The following ETFA variants were observed in gnomAD, a reference collection of about 807,000 sequenced individuals.
The protein encoded by ETFA is electron transfer flavoprotein subunit alpha, mitochondrial.
ETFA carries 22 observed loss-of-function variants against 46.2 expected under a neutral mutation model. The ratio of observed to expected loss-of-function variants is 0.48; its 90% confidence interval spans 0.34 to 0.68. ETFA has a LOEUF of 0.68. Ranked by LOEUF, ETFA falls within the 30% of genes least tolerant of loss-of-function variation. The pLI is 0.01. For missense variants in ETFA, 345 were observed against 401.1 expected (o/e 0.86, Z 1.19); for synonymous variants, 131 against 139.9 (o/e 0.94, Z 0.45).
chr15:76,303,218 G>A (rs1034336948), intron 1 of ETFA, among the ~76,000 whole-genome samples: 1 of 152,146 alleles, frequency 6.6e-6, no homozygotes, highest in Non-Finnish European at 1.5e-5. Context: ...TGCGGCAGGA[G>A]AATTGCTTGA....
At chr15:76,304,872 G>A (rs1381264587) in intron 1 of ETFA, among the ~76,000 whole-genome samples, 1 of 151,782 alleles carries the variant, frequency 6.6e-6, no homozygotes, top group Non-Finnish European at 1.5e-5. Flanking sequence ...GTGAAACCCC[G>A]TCTCTACTAA....
At chr15:76,281,472 C>T (rs2039650847) in intron 8 of ETFA, among the ~76,000 whole-genome samples, 2 of 151,708 alleles carry the variant, frequency 1.3e-5, no homozygotes, top group African/African-American at 2.4e-5. Flanking sequence ...GTTGCCCAGG[C>T]TAGGGTGCAG....
At chr15:76,291,843 GA>G (rs1486840084) in intron 4 of ETFA, among the ~76,000 whole-genome samples, 5 of 152,166 alleles carry the variant, frequency 3.3e-5, no homozygotes, top group Non-Finnish European at 7.4e-5. Flanking sequence ...CGGCCACAGA[GA>G]GAGAGCAAGA....
At chr15:76,261,603 GAGA>G in intron 9 of ETFA, 2 of 475,728 alleles carry the variant, frequency 4.2e-6, no homozygotes, top group South Asian at 2.9e-5. Flanking sequence ...GGGAGCAGCA[GAGA>G]AGTCAGAGCC....
intron 9 of ETFA, among the ~76,000 whole-genome samples, chr15:76,254,943 C>G (rs1342806662): frequency 6.6e-6 from 1 of 152,066 alleles, no homozygotes; most frequent in Non-Finnish European, 1.5e-5. Flanking sequence ...CAAGGAAACA[C>G]AAGAAATACA....
intron 9 of ETFA, among the ~76,000 whole-genome samples, chr15:76,232,328 G>A (rs1567197976): frequency 2.0e-5 from 3 of 152,138 alleles, no homozygotes; most frequent in South Asian, 4.1e-4. Flanking sequence ...TGTTTACCAG[G>A]TATGATTAAA....
chr15:76,307,709 C>A (rs2039952347), intron 1 of ETFA, among the ~76,000 whole-genome samples: 2 of 151,964 alleles, frequency 1.3e-5, no homozygotes, highest in Admixed American at 6.6e-5. Flanking sequence ...GTCTCGAACT[C>A]CTGAGCTCAG....
At chr15:76,310,068 C>CAGAAAAAAAAAAAAAAAAA in intron 1 of ETFA, 1 of 69,110 alleles carries the variant, frequency 1.4e-5, no homozygotes. Flanking sequence ...CCCGTCTCTA[C>CAGAAAAAAAAAAAAAAAAA]AAAAAAAAAA....
chr15:76,287,593 T>C lies in ETFA; in HGVS notation c.451+253A>G, dbSNP rs115309755. ...ATATATTAAATTGTGAATCTAATTT[T>C]TATTGATCACTAGGAAAATATCACC... is the stretch of plus-strand genomic sequence containing the variant. On this transcript the variant is annotated intron_variant, in intron 5 of 11. Transcript: ENST00000557943. Among the ~76,000 whole-genome samples the C allele has an allele frequency of 4.1e-3, 628 of 152,306 alleles. 6 individuals are homozygous for C. Among genetic ancestry groups the C allele is most frequent in the African/African-American group, 0.015 (603 of 41,556 alleles).
chr15:76,276,189 C>T (rs1196667995), intron 8 of ETFA, among the ~76,000 whole-genome samples: 3 of 152,036 alleles, frequency 2.0e-5, no homozygotes, highest in South Asian at 2.1e-4. Context: ...CTTTATTTCT[C>T]TTCCATTTTT....
At chr15:76,283,902 T>C in intron 7 of ETFA, 77 bp from the exon 8 acceptor site, 1 of 1,026,088 alleles carries the variant, frequency 9.7e-7, no homozygotes, top group South Asian at 1.4e-5. Flanking sequence ...TTTTATATAC[T>C]GGAGTAAATT....
intron 1 of ETFA, among the ~76,000 whole-genome samples, chr15:76,310,382 A>C (rs2039984628): frequency 6.6e-6 from 1 of 150,908 alleles, no homozygotes; most frequent in African/African-American, 2.4e-5. Context: ...AAAAAAAAAA[A>C]AAAAAAAAAA....
chr15:76,258,604 A>G (rs1157755253), intron 9 of ETFA, among the ~76,000 whole-genome samples: 1 of 152,234 alleles, frequency 6.6e-6, no homozygotes, highest in Admixed American at 6.5e-5. Context: ...AGCCCAATGC[A>G]TGCACTTAAG....
At chr15:76,306,738 G>A (rs962444455) in intron 1 of ETFA, among the ~76,000 whole-genome samples, 3 of 151,894 alleles carry the variant, frequency 2.0e-5, no homozygotes, top group Non-Finnish European at 4.4e-5. Context: ...AATCCTTTTA[G>A]TAATAAAATA....
At chr15:76,266,346 G>A (rs1001862427) in intron 9 of ETFA, among the ~76,000 whole-genome samples, 1 of 152,166 alleles carries the variant, frequency 6.6e-6, no homozygotes, top group East Asian at 1.9e-4. Context: ...CTGCCACAAG[G>A]CATATTAAAT....
intron 8 of ETFA, 112 bp downstream of exon 8, chr15:76,283,645 G>A (rs890690117): frequency 1.8e-5 from 15 of 823,790 alleles, no homozygotes; most frequent in Middle Eastern, 2.9e-4. Flanking sequence ...TGAAAAATCC[G>A]GAAAAGTAAA....
intron 9 of ETFA, among the ~76,000 whole-genome samples, chr15:76,244,824 T>C (rs965734306): frequency 6.6e-6 from 1 of 152,196 alleles, no homozygotes; most frequent in African/African-American, 2.4e-5. Flanking sequence ...ACAAGACATG[T>C]CAATTTATCA....
At chr15:76,250,103 A>T (rs1453356822) in intron 9 of ETFA, among the ~76,000 whole-genome samples, 1 of 152,204 alleles carries the variant, frequency 6.6e-6, no homozygotes, top group Non-Finnish European at 1.5e-5. Flanking sequence ...AACCATTAAT[A>T]AGAAAATAGG....
In ETFA at chr15:76,253,219, G is replaced by C. The variant is rs376876330; in HGVS notation, c.816+21193C>G. ...ATCACTGGGTCTGAATTCTTGCAGA[G>C]AGCATGAATCCATAAGCATACTAGG... On this transcript the variant is annotated intron_variant, in intron 9 of 11. Transcript: ENST00000557943. Among the ~76,000 whole-genome samples the C allele has an allele frequency of 3.9e-5, 6 of 152,234 alleles. No individual in the cohort carries two copies. The South Asian group carries it at 1.2e-3, about 32-fold the overall frequency.
Sources: allele counts gnomAD v4.1 joint callset (sites outside exome capture counted in the v4.1 genomes callset), GRCh38; gene constraint gnomAD v4.1.1; transcripts MANE v1.5; gene names NCBI Gene and HGNC (gene_info 2026-07-23, HGNC 2026-07-21).